Variants in GRTP1 observed in about 807,000 individuals in gnomAD.
GRTP1 encodes the protein growth hormone-regulated TBC protein 1.
A neutral mutation model predicts 38.1 loss-of-function variants in GRTP1; 56 were observed. The ratio of observed to expected loss-of-function variants is 1.47; its 90% CI spans 1.19 to 1.84. The LOEUF is 1.84. GRTP1 is among the 40% of genes most tolerant of loss of function. GRTP1 has a pLI of 0.00. For missense variants in GRTP1, 506 were observed against 453.9 expected (o/e 1.11, Z -1.04); for synonymous variants, 217 against 189.5 (o/e 1.14, Z -1.19).
chr13:113,327,385 T>G (rs1315111481), intron 5 of GRTP1, among the ~76,000 whole-genome samples: 1 of 152,206 alleles, frequency 6.6e-6, no homozygotes, highest in African/African-American at 2.4e-5. Context: ...TCACCATATT[T>G]GCCAGGCTGG....
At chr13:113,330,280 T>C (rs1481509380) in intron 5 of GRTP1, among the ~76,000 whole-genome samples, 2 of 116,454 alleles carry the variant, frequency 1.7e-5, no homozygotes, top group Non-Finnish European at 3.4e-5. Context: ...AGCCCAGGTG[T>C]GTGCGTGGAA....
At chr13:113,340,678 G>A (rs1424852115) in intron 5 of GRTP1, among the ~76,000 whole-genome samples, 2 of 151,762 alleles carry the variant, frequency 1.3e-5, no homozygotes, top group Admixed American at 6.6e-5. Flanking sequence ...TACTCAGGAG[G>A]CTGAGGCAGG....
intron 5 of GRTP1, among the ~76,000 whole-genome samples, chr13:113,328,403 C>G (rs1566413401): frequency 6.6e-6 from 1 of 152,238 alleles, no homozygotes; most frequent in South Asian, 2.1e-4. Flanking sequence ...TTCATTTCCA[C>G]TCTGCAGATC....
chr13:113,363,771 T>A lies in GRTP1; in HGVS notation c.172A>T (p.Ser58Cys), dbSNP rs1449618431. Residue 58 changes from serine (S) to cysteine (C), a missense_variant, in exon 2 of 8, where the codon AGC becomes TGC. Physicochemically the swap from Ser to Cys is moderately radical, Grantham distance 112. Transcript: ENST00000375431. ...RLLQGGGVPR[S>C]RTVKRYVRKG... ...CGCCCCCGGGACCCACCTGTCCGGC[T>A]CCTGGGGACGCCCCCGCCCTGCAGC... is the stretch of plus-strand genomic sequence containing the variant. The A allele has an allele frequency of 6.4e-7, 1 of 1,574,746 alleles. No homozygotes were observed. The highest frequency in any genetic ancestry group is 1.5e-5 in the African/African-American group (1 of 64,862).
At chr13:113,326,141 C>T in intron 5 of GRTP1, 50 bp from the exon 6 acceptor site, 1 of 1,592,110 alleles carries the variant, frequency 6.3e-7, no homozygotes, top group Non-Finnish European at 8.5e-7. Flanking sequence ...GTCACCTCCA[C>T]AAGCCCCATT....
chr13:113,334,121 C>G (rs188084182), intron 5 of GRTP1, among the ~76,000 whole-genome samples: 233 of 152,284 alleles, frequency 1.5e-3, no homozygotes, highest in Non-Finnish European at 2.5e-3. Context: ...AGGGGTGAGC[C>G]GCCGCGCCTG....
rs181064071 is a variant in GRTP1, at chr13:113,360,909, G to A, written c.181+2853C>T. Reference sequence around the variant, plus strand: ...GCGGATCACTGGAGCTCAGGAGTTCGAGACCAGCCTGGCCAACAAGGCAAA... The same window carrying A: ...GCGGATCACTGGAGCTCAGGAGTTCAAGACCAGCCTGGCCAACAAGGCAAA... On this transcript the variant is annotated intron_variant, in intron 2 of 7. Coordinates refer to ENST00000375431, the MANE Select transcript of GRTP1 (RefSeq NM_024719.4). Among the ~76,000 whole-genome samples the A allele has an allele frequency of 4.0e-3, 608 of 152,132 alleles. 7 individuals carry two copies. The highest frequency in any genetic ancestry group is 0.01 in the African/African-American group (418 of 41,524).
At chr13:113,347,622 G>C (rs1487596035) in intron 4 of GRTP1, among the ~76,000 whole-genome samples, 29 of 47,866 alleles carry the variant, frequency 6.1e-4, no homozygotes, top group African/African-American at 1.2e-3. Flanking sequence ...CTGTGGCTGA[G>C]AGCGGACCTG....
chr13:113,361,210 TAA>T (rs60140159), intron 2 of GRTP1, among the ~76,000 whole-genome samples: 37,313 of 123,104 alleles, frequency 0.3, 5,062 homozygotes, highest in East Asian at 0.53. Context: ...AGACCAATGC[TAA>T]AAAAAAAAAA....
At chr13:113,331,195 C>A (rs1182526515) in intron 5 of GRTP1, among the ~76,000 whole-genome samples, 2 of 152,158 alleles carry the variant, frequency 1.3e-5, no homozygotes, top group African/African-American at 2.4e-5. Context: ...TGTGAAGAAG[C>A]ACCTGCCCAG....
At chr13:113,354,045 C>T (rs2043334715) in intron 3 of GRTP1, among the ~76,000 whole-genome samples, 1 of 152,144 alleles carries the variant, frequency 6.6e-6, no homozygotes, top group Admixed American at 6.5e-5. Flanking sequence ...CACTACACTC[C>T]AGTCTGGGTA....
At chr13:113,352,967 G>C (rs2043313078) in intron 3 of GRTP1, among the ~76,000 whole-genome samples, 1 of 151,356 alleles carries the variant, frequency 6.6e-6, no homozygotes, top group Admixed American at 6.6e-5. Flanking sequence ...TGAAAGCAGG[G>C]ACCCAGCAGA....
intron 5 of GRTP1, among the ~76,000 whole-genome samples, chr13:113,337,528 A>C (rs1482501210): frequency 6.6e-6 from 1 of 152,244 alleles, no homozygotes; most frequent in Non-Finnish European, 1.5e-5. Context: ...TTTAAAAAAA[A>C]GTAGCTTATG....
Position 113,343,006 on chromosome 13 carries a change from G to A in GRTP1, c.562+1857C>T, listed in dbSNP as rs937486230. On this transcript the variant is annotated intron_variant, in intron 5 of 7. Transcript: ENST00000375431. The surrounding 1 kb of genome is among the most constrained non-coding windows in gnomAD (Gnocchi z 4.8). ...GAGCTCTCACCTGCTGCTGCTTGAG[G>A]TCTGCCCTCCACAAAGACAGGAACT... Among the ~76,000 whole-genome samples, 2 of 152,080 alleles carry A rather than the reference G, an allele frequency of 1.3e-5. No individual in the cohort carries two copies. Among genetic ancestry groups the A allele is most frequent in the Admixed American group, 6.5e-5 (1 of 15,272 alleles).
At chr13:113,341,704 T>C (rs1425788319) in intron 5 of GRTP1, among the ~76,000 whole-genome samples, 1 of 152,248 alleles carries the variant, frequency 6.6e-6, no homozygotes, top group Admixed American at 6.5e-5. Context: ...TGTGTATGTT[T>C]ATATCGGTCT....
chr13:113,338,641 A>C (rs550991760), intron 5 of GRTP1, among the ~76,000 whole-genome samples: 8 of 152,112 alleles, frequency 5.3e-5, no homozygotes, highest in Non-Finnish European at 1.2e-4. Flanking sequence ...AATGTGCATG[A>C]CATTTTCAAT....
At position 113,343,783 on chromosome 13, in the gene GRTP1, GGC is replaced by G. The variant is rs2043059397; in HGVS notation, c.562+1078_562+1079del. Among the ~76,000 whole-genome samples the G allele has an allele frequency of 1.3e-5, 2 of 152,210 alleles. No individual in the cohort carries two copies. The highest frequency in any genetic ancestry group is 2.9e-5 in the Non-Finnish European group (2 of 68,044). ...CCCCAGGCTCCAAACACTGGGGACT[GGC>G]CCGGCTGCCCCTCACGTCTCCTCTG... On this transcript the variant is annotated intron_variant, in intron 5 of 7. Transcript: ENST00000375431. The surrounding 1 kb of genome is among the most constrained non-coding windows in gnomAD (Gnocchi z 4.8).
intron 4 of GRTP1, among the ~76,000 whole-genome samples, chr13:113,350,596 C>T (rs935112621): frequency 6.6e-5 from 10 of 151,786 alleles, no homozygotes; most frequent in East Asian, 1.9e-4. Context: ...CCACAGCGCA[C>T]GCACCCCACA....
intron 5 of GRTP1, among the ~76,000 whole-genome samples, chr13:113,329,789 G>A (rs35975238): frequency 6.6e-6 from 1 of 152,218 alleles, no homozygotes; most frequent in African/African-American, 2.4e-5. Flanking sequence ...ACTGATAGGG[G>A]TAGTGGGCGG....
Sources: allele counts gnomAD v4.1 joint callset (sites outside exome capture counted in the v4.1 genomes callset), GRCh38; gene constraint gnomAD v4.1.1; non-coding constraint Gnocchi (gnomAD v3.1); transcripts MANE v1.5; gene names NCBI Gene and HGNC (gene_info 2026-07-23, HGNC 2026-07-21).